The following CENPQ variants were observed in gnomAD, a reference collection of about 807,000 sequenced individuals.
CENPQ encodes centromere protein Q.
In CENPQ, 27 loss-of-function variants were observed where a neutral mutation model predicts 36.6. That is an observed-to-expected ratio of 0.74 (90% confidence interval 0.54 to 1.02). The LOEUF (loss-of-function observed/expected upper bound fraction) is 1.02, where lower values mean the gene tolerates loss of function less well. Among genes scored for constraint, CENPQ ranks in the 50% least tolerant of loss-of-function variants. CENPQ has a pLI of 0.00. For synonymous variants in CENPQ, 101 were observed against 101.7 expected (o/e 0.99, Z 0.04); for missense variants, 306 against 301.8 (o/e 1.01, Z -0.10).
chr6:49,479,961 A>G (rs913370165), intron 5 of CENPQ, among the ~76,000 whole-genome samples: 3 of 152,150 alleles, frequency 2.0e-5, no homozygotes, highest in African/African-American at 7.2e-5. Flanking sequence ...ACCAGGGCCT[A>G]CTTGCGGGAG....
chr6:49,488,182 C>T (rs1300957434), intron 6 of CENPQ, among the ~76,000 whole-genome samples, 170 bp from the exon 7 acceptor site: 1 of 152,118 alleles, frequency 6.6e-6, no homozygotes, highest in Non-Finnish European at 1.5e-5. Context: ...TACCAGCTTT[C>T]CAAGAAGTCT....
chr6:49,491,990 G>A (rs1268741131), intron 8 of CENPQ, among the ~76,000 whole-genome samples, 154 bp from the exon 9 acceptor site: 1 of 152,152 alleles, frequency 6.6e-6, no homozygotes, highest in African/African-American at 2.4e-5. Context: ...GGGAGAGGGA[G>A]AGATAGATTT....
chr6:49,491,673 T>C (rs1023903248), intron 8 of CENPQ, among the ~76,000 whole-genome samples: 1 of 152,174 alleles, frequency 6.6e-6, no homozygotes, highest in Admixed American at 6.5e-5. Flanking sequence ...CCCAGCACTT[T>C]GGGAGGCCAA....
chr6:49,477,707 G>A (rs1026082933), intron 5 of CENPQ, among the ~76,000 whole-genome samples: 2 of 152,052 alleles, frequency 1.3e-5, no homozygotes, highest in African/African-American at 4.8e-5. Flanking sequence ...CAATAGCCAA[G>A]TAGAAAGAGT....
chr6:49,492,279 G>A lies in CENPQ; in HGVS notation c.*4G>A, dbSNP rs1561972140. 3.2e-6 allele frequency: 5 copies of A among 1,564,270 alleles called. No individual in the cohort carries two copies. The highest frequency in any genetic ancestry group is 4.3e-6 in the Non-Finnish European group (5 of 1,161,534). ...TAAGAAACTGGATGCATCTTAAAGA[G>A]TGTTTTTTTTTTAGATTGTTCCATA... On this transcript the variant is annotated 3_prime_UTR_variant, in exon 9 of 9. Transcript: ENST00000335783.
chr6:49,472,343 A>C (rs1213294751), intron 4 of CENPQ, among the ~76,000 whole-genome samples, 160 bp downstream of exon 4: 3 of 152,196 alleles, frequency 2.0e-5, no homozygotes, highest in South Asian at 4.1e-4. Context: ...CTTCAGCAGA[A>C]AAGTCTTTGT....
Position 49,481,061 on chromosome 6 carries a change from A to G in CENPQ, c.458A>G (p.Glu153Gly). ...AGGGCACGAGACAAAGCTAATGAAG[A>G]AGGTCTGGCATTACTACAGGTATGA... is the stretch of plus-strand genomic sequence containing the variant. ...MERARDKANEEGLALLQEEID... is the reference protein window; with the variant it reads ...MERARDKANEGGLALLQEEID... The change falls in exon 6 of 9, where the codon GAA (glutamate) becomes GGA (glycine). Residue 153 changes from glutamate (E) to glycine (G), a missense_variant. By Grantham distance (98) the Glu-to-Gly change is moderately conservative (BLOSUM62 -2). Transcript: ENST00000335783. 1 of 1,607,728 alleles carries G rather than the reference A, an allele frequency of 6.2e-7. No individual in the cohort carries two copies. Among genetic ancestry groups the G allele is most frequent in the Non-Finnish European group, 8.5e-7 (1 of 1,178,142 alleles).
At position 49,472,155 on chromosome 6, in the gene CENPQ, T is replaced by C. The variant is rs758387707; in HGVS notation, c.250T>C (p.Leu84=). ...QPLSKSTRDH[L]QTMMESVIMT... ...TCTGTCAAAGAGTACCAGAGACCAT[T>C]TGCAAACTATGATGGAATCAGTAAT... The change falls in exon 4 of 9, where the codon TTG becomes CTG. Residue 84 remains leucine (L), a synonymous_variant. Coordinates refer to ENST00000335783, the MANE Select transcript of CENPQ (RefSeq NM_018132.4). 3 of 1,612,020 alleles carry C rather than the reference T, an allele frequency of 1.9e-6. No homozygotes were observed. The highest frequency in any genetic ancestry group is 1.7e-6 in the Non-Finnish European group (2 of 1,179,124).
chr6:49,472,892 A>G (rs764833391), intron 5 of CENPQ, 34 bp downstream of exon 5: 25 of 1,282,796 alleles, frequency 1.9e-5, no homozygotes, highest in South Asian at 5.2e-5. Context: ...TGATTAAAAC[A>G]TAATTTTTAA....
At chr6:49,463,801 C>T (rs1016111284) in intron 1 of CENPQ, among the ~76,000 whole-genome samples, 1 of 152,122 alleles carries the variant, frequency 6.6e-6, no homozygotes, top group East Asian at 1.9e-4. Flanking sequence ...CTTGTGCCCA[C>T]ATAGAGGTCT....
At chr6:49,490,319 T>A (rs1178337106) in intron 8 of CENPQ, among the ~76,000 whole-genome samples, 1 of 152,222 alleles carries the variant, frequency 6.6e-6, no homozygotes, top group Non-Finnish European at 1.5e-5. Context: ...TCCTTAAACC[T>A]TATGAACTAA....
chr6:49,476,047 CT>C lies in CENPQ; in HGVS notation c.347+3192del, dbSNP rs1443419304. ...GCCATCCCCATCAAGCTACCAATGA[CT>C]TTCTTCACAGAATTGGAAAAAAAAA... On this transcript the variant is annotated intron_variant, in intron 5 of 8. Transcript: ENST00000335783. Among the ~76,000 whole-genome samples the C allele has an allele frequency of 2.0e-5, 3 of 151,952 alleles. 1 individual carries two copies. The highest frequency in any genetic ancestry group is 6.6e-5 in the Admixed American group (1 of 15,244).
chr6:49,477,554 C>T (rs1768326219), intron 5 of CENPQ, among the ~76,000 whole-genome samples: 1 of 148,446 alleles, frequency 6.7e-6, no homozygotes, highest in African/African-American at 2.5e-5. Flanking sequence ...TACCCTAGAA[C>T]TTAAAGTATA....
chr6:49,483,553 G>GCCCTGC (rs1458189075), intron 6 of CENPQ, among the ~76,000 whole-genome samples: 1 of 152,188 alleles, frequency 6.6e-6, no homozygotes, highest in Non-Finnish European at 1.5e-5. Context: ...CAGGTCCCAA[G>GCCCTGC]CCCTGCCCCA....
chr6:49,483,490 G>A (rs537729335), intron 6 of CENPQ, among the ~76,000 whole-genome samples: 1 of 152,274 alleles, frequency 6.6e-6, no homozygotes, highest in Non-Finnish European at 1.5e-5. Flanking sequence ...CATGGGGGAG[G>A]CTCCTGCTGC....
intron 5 of CENPQ, among the ~76,000 whole-genome samples, chr6:49,478,033 A>ATGACAAAT (rs1399968301): frequency 9.8e-5 from 15 of 152,324 alleles, no homozygotes; most frequent in South Asian, 2.1e-4. Context: ...GTCATGTAAC[A>ATGACAAAT]GCTATGGAGT....
chr6:49,467,137 G>A (rs1384128401), intron 1 of CENPQ, among the ~76,000 whole-genome samples: 1 of 152,220 alleles, frequency 6.6e-6, no homozygotes, highest in Non-Finnish European at 1.5e-5. Context: ...TGCTGAGGTT[G>A]AGAAACTTTG....
intron 5 of CENPQ, among the ~76,000 whole-genome samples, chr6:49,475,583 G>T (rs2127425106): frequency 6.6e-6 from 1 of 152,304 alleles, no homozygotes; most frequent in South Asian, 2.1e-4. Context: ...GGGCAATCAG[G>T]CAGGAGAAAG....
intron 8 of CENPQ, among the ~76,000 whole-genome samples, chr6:49,491,623 A>G (rs1460233486): frequency 6.6e-6 from 1 of 152,116 alleles, no homozygotes; most frequent in Non-Finnish European, 1.5e-5. Flanking sequence ...GTAATTTGAA[A>G]TTTTCCTATT....
Sources: allele counts gnomAD v4.1 joint callset (sites outside exome capture counted in the v4.1 genomes callset), GRCh38; gene constraint gnomAD v4.1.1; transcripts MANE v1.5; gene names NCBI Gene and HGNC (gene_info 2026-07-23, HGNC 2026-07-21).